Variants in FYN observed in about 807,000 individuals in gnomAD.
The protein encoded by FYN is FYN proto-oncogene, Src family tyrosine kinase, also known as tyrosine-protein kinase Fyn.
FYN carries 10 observed loss-of-function variants against 70.2 expected under a neutral mutation model. That is an observed-to-expected ratio of 0.14 (90% confidence interval 0.09 to 0.24). The LOEUF (loss-of-function observed/expected upper bound fraction) is 0.24. FYN is among the 10% of genes least tolerant of loss of function. The pLI, the probability that FYN is intolerant of heterozygous loss-of-function variation, is 1.00. For synonymous variants in FYN, 236 were observed against 248.6 expected (o/e 0.95, Z 0.48); for missense variants, 319 against 673.1 (o/e 0.47, Z 5.82).
intron 2 of FYN, among the ~76,000 whole-genome samples, chr6:111,793,105 C>T (rs2881040): frequency 0.31 from 46,401 of 151,898 alleles, 11,406 homozygotes; most frequent in African/African-American, 0.69. Flanking sequence ...TTATAAGTAT[C>T]GAAAGCAAAA....
chr6:111,857,975 C>G (rs1426822839), intron 1 of FYN, among the ~76,000 whole-genome samples: 3 of 152,138 alleles, frequency 2.0e-5, no homozygotes, highest in Non-Finnish European at 4.4e-5. Context: ...CTCACTGGGG[C>G]TCAGTAGTAT....
chr6:111,711,297 C>T (rs879368543), intron 5 of FYN, among the ~76,000 whole-genome samples: 15 of 152,056 alleles, frequency 9.9e-5, no homozygotes, highest in Non-Finnish European at 1.9e-4. Flanking sequence ...ACAAACCTAC[C>T]CTCAGCTGTG....
intron 13 of FYN, among the ~76,000 whole-genome samples, chr6:111,665,978 T>C (rs1797983652): frequency 6.7e-6 from 1 of 149,800 alleles, no homozygotes; most frequent in South Asian, 2.1e-4. Flanking sequence ...GTGCTGGAAA[T>C]GTTTTTCCTT....
At chr6:111,767,771 G>C (rs759303442) in intron 3 of FYN, among the ~76,000 whole-genome samples, 1 of 152,196 alleles carries the variant, frequency 6.6e-6, no homozygotes, top group Non-Finnish European at 1.5e-5. Flanking sequence ...TTAGAAGAGA[G>C]ACAAAACTGC....
intron 13 of FYN, among the ~76,000 whole-genome samples, chr6:111,665,624 T>G (rs1797961382): frequency 1.3e-5 from 2 of 151,956 alleles, no homozygotes; most frequent in Admixed American, 1.3e-4. Context: ...TATTTTTTAT[T>G]TATTTATTTT....
chr6:111,735,450 T>C (rs2128474512), intron 3 of FYN, among the ~76,000 whole-genome samples: 1 of 152,310 alleles, frequency 6.6e-6, no homozygotes, highest in African/African-American at 2.4e-5. Context: ...GGTATTATCA[T>C]CATCATCAAT....
chr6:111,740,587 C>T (rs1279954689), intron 3 of FYN, among the ~76,000 whole-genome samples: 1 of 152,124 alleles, frequency 6.6e-6, no homozygotes. Context: ...AAATGGTTTC[C>T]TATTGTCTTT....
rs5879129 is a variant in FYN, at chr6:111,853,357, C to CTT, written c.-122-6730_-122-6729dup. ...ACTGGCATGGATTACCAAGACACTC[C>CTT]TTTTTTTTTTTTTCATCAATTCAAA... On this transcript the variant is annotated intron_variant, in intron 1 of 13. Coordinates refer to ENST00000354650, the MANE Select transcript of FYN (RefSeq NM_002037.5). 8.2e-4 allele frequency among the ~76,000 whole-genome samples: 119 copies of CTT among 145,668 alleles called. 2 individuals are homozygous for CTT. Among genetic ancestry groups the CTT allele is most frequent in the African/African-American group, 2.5e-3 (101 of 39,872 alleles).
chr6:111,730,982 G>T (rs1039269012), intron 3 of FYN, among the ~76,000 whole-genome samples: 3 of 152,200 alleles, frequency 2.0e-5, no homozygotes, highest in Non-Finnish European at 2.9e-5. Flanking sequence ...AACAGTGGTG[G>T]CAGAACTGGC....
At chr6:111,729,200 G>T (rs1485182113) in intron 3 of FYN, among the ~76,000 whole-genome samples, 3 of 152,174 alleles carry the variant, frequency 2.0e-5, no homozygotes, top group Non-Finnish European at 4.4e-5. Context: ...TCGGCCAGGT[G>T]TGGTGGTTCA....
At chr6:111,835,647 G>T (rs1015908471) in intron 2 of FYN, among the ~76,000 whole-genome samples, 2 of 152,094 alleles carry the variant, frequency 1.3e-5, no homozygotes, top group Non-Finnish European at 2.9e-5. Context: ...TTTAGATAAG[G>T]TGGGCACGTA....
chr6:111,792,341 T>C (rs1264421089), intron 2 of FYN, among the ~76,000 whole-genome samples: 6 of 152,196 alleles, frequency 3.9e-5, no homozygotes, highest in Non-Finnish European at 5.9e-5. Flanking sequence ...ACTAAAACCA[T>C]GAAGTGCTGG....
chr6:111,752,515 A>C (rs1022955074), intron 3 of FYN, among the ~76,000 whole-genome samples: 1 of 152,244 alleles, frequency 6.6e-6, no homozygotes. Flanking sequence ...GAAAGAAGCA[A>C]GATTTCTAAA....
At chr6:111,782,922 C>T (rs1294772227) in intron 2 of FYN, among the ~76,000 whole-genome samples, 1 of 152,172 alleles carries the variant, frequency 6.6e-6, no homozygotes, top group Non-Finnish European at 1.5e-5. Flanking sequence ...AGTGAAATTC[C>T]ATGTCCCCTC....
chr6:111,676,920 CGGCAAT>C (rs1216988823), intron 12 of FYN, among the ~76,000 whole-genome samples: 2 of 152,070 alleles, frequency 1.3e-5, no homozygotes, highest in African/African-American at 4.8e-5. Context: ...AAAAAACCAA[CGGCAAT>C]ATCAGCCAGT....
intron 2 of FYN, among the ~76,000 whole-genome samples, chr6:111,837,847 T>C (rs1252113944): frequency 6.6e-6 from 1 of 152,192 alleles, no homozygotes; most frequent in African/African-American, 2.4e-5. Context: ...CCATCTCACT[T>C]TCTCATGGCA....
intron 2 of FYN, among the ~76,000 whole-genome samples, chr6:111,798,825 C>T (rs1771897889): frequency 6.6e-6 from 1 of 152,180 alleles, no homozygotes. Context: ...CAGATGGATT[C>T]TACATGTTAA....
At chr6:111,836,834 G>A (rs1192530068) in intron 2 of FYN, among the ~76,000 whole-genome samples, 1 of 152,128 alleles carries the variant, frequency 6.6e-6, no homozygotes, top group Admixed American at 6.5e-5. Context: ...GTTCTGAAAT[G>A]AGCCAAGAAC....
intron 4 of FYN, 189 bp from the exon 5 acceptor site, chr6:111,714,632 G>C (rs942891907): frequency 6.9e-6 from 4 of 581,862 alleles, no homozygotes; most frequent in African/African-American, 5.6e-5. Flanking sequence ...GGTCTTTGTA[G>C]GGGAAGCCTT....
Sources: gnomAD v4.1 joint callset for allele counts (sites outside exome capture counted in the v4.1 genomes callset) on GRCh38, gnomAD v4.1.1 for gene constraint, MANE v1.5 for transcripts, NCBI Gene and HGNC (gene_info 2026-07-23, HGNC 2026-07-21) for gene names.